The following ARHGAP15 variants were observed in gnomAD, a reference collection of about 807,000 sequenced individuals.
The protein encoded by ARHGAP15 is Rho GTPase activating protein 15, also known as rho GTPase-activating protein 15.
A neutral mutation model predicts 63.7 loss-of-function variants in ARHGAP15; 51 were observed. The ratio of observed to expected loss-of-function variants is 0.80; its 90% CI spans 0.64 to 1.01. The LOEUF (loss-of-function observed/expected upper bound fraction) is 1.01. ARHGAP15 is among the 50% of genes least tolerant of loss of function. The pLI is 0.00. For synonymous variants in ARHGAP15, 191 were observed against 193.8 expected (o/e 0.99, Z 0.12); for missense variants, 560 against 564.6 (o/e 0.99, Z 0.08).
chr2:143,344,111 G>A (rs1213015139), intron 6 of ARHGAP15: 2 of 152,064 alleles, frequency 1.3e-5, no homozygotes, highest in Admixed American at 1.3e-4. Context: ...ACGATTACTT[G>A]TTCCAAATTC....
intron 6 of ARHGAP15, among the ~76,000 whole-genome samples, chr2:143,413,966 T>TGTGTGTGCGCGCGCGCGCGCGCGCGCGC: frequency 1.7e-5 from 2 of 117,908 alleles, no homozygotes; most frequent in South Asian, 3.2e-4. Flanking sequence ...TGTGTGTGTG[T>TGTGTGTGCGCGCGCGCGCGCGCGCGCGC]GCGCGCTCTC....
At chr2:143,471,502 T>C (rs1025858831) in intron 8 of ARHGAP15, among the ~76,000 whole-genome samples, 1 of 151,964 alleles carries the variant, frequency 6.6e-6, no homozygotes, top group Non-Finnish European at 1.5e-5. Context: ...TAGTGATGTT[T>C]AGCAAAGTAA....
intron 13 of ARHGAP15, among the ~76,000 whole-genome samples, chr2:143,733,357 T>C (rs1264371408): frequency 1.3e-5 from 2 of 152,146 alleles, no homozygotes; most frequent in Non-Finnish European, 2.9e-5. Context: ...TGTGACCAAA[T>C]AAATCAGATC....
intron 6 of ARHGAP15, among the ~76,000 whole-genome samples, chr2:143,363,399 G>T (rs1204655692): frequency 6.6e-6 from 1 of 152,046 alleles, no homozygotes; most frequent in Admixed American, 6.6e-5. Context: ...AAATTAATTG[G>T]GCTTGGAGTT....
chr2:143,682,471 CAT>C (rs1239799121), intron 12 of ARHGAP15, among the ~76,000 whole-genome samples: 1 of 152,022 alleles, frequency 6.6e-6, no homozygotes, highest in Non-Finnish European at 1.5e-5. Flanking sequence ...AATGCAAAAA[CAT>C]GATTACATAT....
chr2:143,413,966 T>TGTGCGCGTGCGCGCGC, intron 6 of ARHGAP15, among the ~76,000 whole-genome samples: 8 of 117,910 alleles, frequency 6.8e-5, no homozygotes, highest in African/African-American at 2.8e-4. Flanking sequence ...TGTGTGTGTG[T>TGTGCGCGTGCGCGCGC]GCGCGCTCTC....
intron 6 of ARHGAP15, among the ~76,000 whole-genome samples, chr2:143,421,593 A>C (rs970578917): frequency 6.6e-6 from 1 of 152,184 alleles, no homozygotes; most frequent in South Asian, 2.1e-4. Flanking sequence ...GGGTCACAGA[A>C]TCAATTTAGT....
chr2:143,320,576 A>G (rs1187945823), intron 6 of ARHGAP15, among the ~76,000 whole-genome samples: 2 of 152,022 alleles, frequency 1.3e-5, no homozygotes, highest in African/African-American at 2.4e-5. Flanking sequence ...GGACGCTACA[A>G]TCTAACTGGG....
chr2:143,669,789 T>C (rs968042625), intron 12 of ARHGAP15, among the ~76,000 whole-genome samples: 4 of 152,200 alleles, frequency 2.6e-5, no homozygotes. Flanking sequence ...TCTGCTAGTC[T>C]GGGAAAATGA....
chr2:143,640,727 T>C (rs1680560155), intron 12 of ARHGAP15: 1 of 152,130 alleles, frequency 6.6e-6, no homozygotes, highest in East Asian at 1.9e-4. Flanking sequence ...GTCATGAATA[T>C]TAAGCAACAA....
At chr2:143,627,435 A>G (rs1304060761) in intron 12 of ARHGAP15, among the ~76,000 whole-genome samples, 1 of 152,166 alleles carries the variant, frequency 6.6e-6, no homozygotes, top group African/African-American at 2.4e-5. Context: ...AAATATTCTT[A>G]AGCAATGAGA....
chr2:143,197,702 T>C (rs1283135367), intron 2 of ARHGAP15, among the ~76,000 whole-genome samples: 1 of 151,964 alleles, frequency 6.6e-6, no homozygotes, highest in Non-Finnish European at 1.5e-5. Flanking sequence ...AAAAGACAGG[T>C]GATGAAAGCT....
chr2:143,264,254 T>C (rs1451968881), intron 6 of ARHGAP15, among the ~76,000 whole-genome samples: 1 of 152,106 alleles, frequency 6.6e-6, no homozygotes, highest in East Asian at 1.9e-4. Context: ...TAGAGTTGTC[T>C]GATGTCATAT....
chr2:143,702,418 TTC>T (rs1167211852), intron 12 of ARHGAP15, among the ~76,000 whole-genome samples: 1 of 152,236 alleles, frequency 6.6e-6, no homozygotes, highest in African/African-American at 2.4e-5. Context: ...CAATTTTTTT[TTC>T]TGTTTTACCC....
intron 12 of ARHGAP15, among the ~76,000 whole-genome samples, chr2:143,659,444 A>C (rs1385955757): frequency 3.3e-5 from 5 of 152,108 alleles, no homozygotes; most frequent in Non-Finnish European, 5.9e-5. Context: ...AAAAGTGAGG[A>C]GCTTATGGTA....
chr2:143,443,436 T>C (rs529647646), intron 8 of ARHGAP15, among the ~76,000 whole-genome samples: 2 of 152,098 alleles, frequency 1.3e-5, no homozygotes, highest in African/African-American at 4.8e-5. Flanking sequence ...TCACCCTTTT[T>C]TTTTTTTCCC....
intron 12 of ARHGAP15, among the ~76,000 whole-genome samples, chr2:143,678,307 G>A (rs1408529374): frequency 6.6e-6 from 1 of 152,174 alleles, no homozygotes; most frequent in Non-Finnish European, 1.5e-5. Context: ...TTTAGACCAA[G>A]CTTAACTCCT....
chr2:143,139,586 C>G (rs779807902), intron 1 of ARHGAP15, among the ~76,000 whole-genome samples: 4 of 151,950 alleles, frequency 2.6e-5, no homozygotes, highest in Non-Finnish European at 4.4e-5. Context: ...TTTTAAAAGT[C>G]GTTTTGCATA....
chr2:143,394,640 C>T (rs1687680879), intron 6 of ARHGAP15, among the ~76,000 whole-genome samples: 1 of 152,054 alleles, frequency 6.6e-6, no homozygotes, highest in Non-Finnish European at 1.5e-5. Context: ...GAAGACTTTC[C>T]CAGGTTAGGG....
Sources: gnomAD v4.1 joint callset for allele counts (sites outside exome capture counted in the v4.1 genomes callset) on GRCh38, gnomAD v4.1.1 for gene constraint, MANE v1.5 for transcripts, NCBI Gene and HGNC (gene_info 2026-07-23, HGNC 2026-07-21) for gene names.